Variants in MTHFD2L observed in about 807,000 individuals in gnomAD.
MTHFD2L encodes the protein methylenetetrahydrofolate dehydrogenase (NADP+ dependent) 2 like.
Under a neutral mutation model 34.9 loss-of-function variants are expected in MTHFD2L, and 29 were observed. That is an observed-to-expected ratio of 0.83 (90% CI 0.62 to 1.13). MTHFD2L has a LOEUF of 1.13. Ranked by LOEUF, MTHFD2L falls within the 50% of genes most tolerant of loss-of-function variation. The pLI is 0.00. For synonymous variants in MTHFD2L, 167 were observed against 155.7 expected, an observed-to-expected ratio of 1.07 and a Z score of -0.54; for missense variants, 481 against 446.5, an observed-to-expected ratio of 1.08 and a Z score of -0.70.
At chr4:74,292,261 C>CATTG (rs1749057279) in intron 7 of MTHFD2L, among the ~76,000 whole-genome samples, 1 of 152,218 alleles carries the variant, frequency 6.6e-6, no homozygotes, top group Non-Finnish European at 1.5e-5. Context: ...ATGTCTTTGA[C>CATTG]ATTGGATCAT....
chr4:74,123,638 T>A (rs2109780748), upstream of MTHFD2L, among the ~76,000 whole-genome samples: 1 of 152,280 alleles, frequency 6.6e-6, no homozygotes, highest in South Asian at 2.1e-4. Flanking sequence ...TATCAATACT[T>A]AAAATTTTTT....
chr4:74,204,120 A>C (rs1291985116), intron 5 of MTHFD2L, among the ~76,000 whole-genome samples: 1 of 152,094 alleles, frequency 6.6e-6, no homozygotes, highest in African/African-American at 2.4e-5. Flanking sequence ...CATTCTGGGG[A>C]GCTGGGTTCT....
At chr4:74,196,381 ACT>A (rs1733465359) in intron 3 of MTHFD2L, among the ~76,000 whole-genome samples, 2 of 152,166 alleles carry the variant, frequency 1.3e-5, no homozygotes, top group South Asian at 4.2e-4. Flanking sequence ...GTTTGGTGTG[ACT>A]AGAGTGGAGG....
chr4:74,258,657 T>C (rs948648966), intron 6 of MTHFD2L, among the ~76,000 whole-genome samples: 3 of 152,104 alleles, frequency 2.0e-5, no homozygotes, highest in Admixed American at 6.5e-5. Flanking sequence ...TACACACACA[T>C]AAAATTTATG....
At position 74,291,003 on chromosome 4, in the gene MTHFD2L, C is replaced by CTTTTTTTTTTTTTTTTTTTTTTTTTTTT. The variant is rs10585551; in HGVS notation, c.931+9458_931+9485dup. Among the ~76,000 whole-genome samples, 97 of 29,278 alleles carry CTTTTTTTTTTTTTTTTTTTTTTTTTTTT rather than the reference C, an allele frequency of 3.3e-3. 31 individuals are homozygous for CTTTTTTTTTTTTTTTTTTTTTTTTTTTT. Among genetic ancestry groups the CTTTTTTTTTTTTTTTTTTTTTTTTTTTT allele is most frequent in the East Asian group, 5.5e-3 (4 of 730 alleles). 19.2% of individuals were successfully genotyped at this position (29,278 alleles called of 152,430 possible). ...CTGTCTTACATTTATTTTTCCTTTT[C>CTTTTTTTTTTTTTTTTTTTTTTTTTTTT]TTTTTTTTTTTTTTTTTTTTTTTTT... On this transcript the variant is annotated intron_variant, in intron 7 of 7. Coordinates refer to ENST00000325278, the MANE Select transcript of MTHFD2L (RefSeq NM_001144978.3).
chr4:74,142,032 A>G (rs1333097354), intron 1 of MTHFD2L, among the ~76,000 whole-genome samples: 1 of 152,184 alleles, frequency 6.6e-6, no homozygotes, highest in Admixed American at 6.5e-5. Context: ...GAATTCAGGT[A>G]TGTCTAAAAT....
intron 6 of MTHFD2L, among the ~76,000 whole-genome samples, chr4:74,258,734 A>G (rs1194395331): frequency 6.6e-6 from 1 of 152,164 alleles, no homozygotes; most frequent in African/African-American, 2.4e-5. Flanking sequence ...TATAGATTAT[A>G]GCAAATTTGA....
chr4:74,276,426 T>C (rs991427025), intron 6 of MTHFD2L, among the ~76,000 whole-genome samples: 4 of 152,100 alleles, frequency 2.6e-5, no homozygotes, highest in Non-Finnish European at 5.9e-5. Context: ...TCAAATTATG[T>C]ATAAAAATTA....
intron 6 of MTHFD2L, among the ~76,000 whole-genome samples, chr4:74,270,347 T>C (rs571342676): frequency 6.8e-6 from 1 of 147,332 alleles, no homozygotes; most frequent in East Asian, 2.1e-4. Context: ...CAGGCCCCGG[T>C]GTGCGATGTT....
rs1729151543 is a variant in MTHFD2L at position 74,176,873 on chromosome 4, T to G, written c.451+1470T>G. On this transcript the variant is annotated intron_variant, in intron 3 of 7. Coordinates refer to ENST00000325278, the MANE Select transcript of MTHFD2L (RefSeq NM_001144978.3). ...GTGATGTGCAAAAAGTAAAGCTATA[T>G]AATGCTATTATATGGGATCTTTATG... Among the ~76,000 whole-genome samples the G allele has an allele frequency of 2.6e-5, 4 of 152,030 alleles. No individual in the cohort carries two copies. In the South Asian group the frequency reaches 8.3e-4, roughly 31 times the overall value.
chr4:74,122,025 A>C (rs1254376064), upstream of MTHFD2L, among the ~76,000 whole-genome samples: 1 of 152,072 alleles, frequency 6.6e-6, no homozygotes, highest in Non-Finnish European at 1.5e-5. Flanking sequence ...TGTGTAAGCC[A>C]CCCAGTCTGT....
At chr4:74,298,396 C>G (rs148430198) in intron 7 of MTHFD2L, among the ~76,000 whole-genome samples, 6 of 151,960 alleles carry the variant, frequency 3.9e-5, no homozygotes, top group African/African-American at 1.4e-4. Context: ...TTTCCACCAG[C>G]GAAGTATGCA....
At chr4:74,269,729 C>T (rs1372669235) in intron 6 of MTHFD2L, among the ~76,000 whole-genome samples, 1 of 152,006 alleles carries the variant, frequency 6.6e-6, no homozygotes. Flanking sequence ...TATTTTCTGC[C>T]TCAAATCCTC....
At chr4:74,143,464 G>A (rs1277596015) in intron 1 of MTHFD2L, 1 of 984,886 alleles carries the variant, frequency 1.0e-6, no homozygotes, top group Non-Finnish European at 1.2e-6. Context: ...AAGGGTCCTA[G>A]AGGGTATGTG....
chr4:74,225,649 T>C (rs1356001088), intron 6 of MTHFD2L, among the ~76,000 whole-genome samples: 1 of 152,172 alleles, frequency 6.6e-6, no homozygotes, highest in Non-Finnish European at 1.5e-5. Context: ...ACTTTGCTAA[T>C]TGCTTTGACG....
intron 3 of MTHFD2L, among the ~76,000 whole-genome samples, chr4:74,188,351 T>G (rs1348071260): frequency 6.6e-6 from 1 of 152,226 alleles, no homozygotes; most frequent in Non-Finnish European, 1.5e-5. Flanking sequence ...CAGAGCCTTC[T>G]CATTGTGTCC....
intron 3 of MTHFD2L, among the ~76,000 whole-genome samples, chr4:74,176,174 C>T (rs1341380690): frequency 6.6e-6 from 1 of 151,942 alleles, no homozygotes; most frequent in Non-Finnish European, 1.5e-5. Flanking sequence ...GATGGATTCA[C>T]CCTCATTAAG....
At chr4:74,120,576 C>A (rs1202276640), upstream of MTHFD2L, among the ~76,000 whole-genome samples, 1 of 152,214 alleles carries the variant, frequency 6.6e-6, no homozygotes, top group Non-Finnish European at 1.5e-5. Context: ...CTGAATGTAA[C>A]TCTTCACACT....
intron 5 of MTHFD2L, among the ~76,000 whole-genome samples, chr4:74,218,856 T>A (rs1431265114): frequency 6.6e-6 from 1 of 152,082 alleles, no homozygotes; most frequent in African/African-American, 2.4e-5. Context: ...ATTACTGATT[T>A]CTAAGAAAAC....
Sources: gnomAD v4.1 joint callset for allele counts (sites outside exome capture counted in the v4.1 genomes callset) on GRCh38, gnomAD v4.1.1 for gene constraint, MANE v1.5 for transcripts, NCBI Gene and HGNC (gene_info 2026-07-23, HGNC 2026-07-21) for gene names.